Variants in GAS7 observed in about 807,000 individuals in gnomAD.
GAS7 encodes growth arrest-specific protein 7.
Under a neutral mutation model 71.1 loss-of-function variants are expected in GAS7, and 28 were observed. The observed-to-expected ratio is 0.39, with a 90% CI of 0.29 to 0.54. The LOEUF is 0.54. Among genes scored for constraint, GAS7 ranks in the 20% least tolerant of loss-of-function variants. The probability of loss-of-function intolerance (pLI) is 0.62; values close to 1 mark genes in which losing one functional copy is unlikely to be tolerated. For synonymous variants in GAS7, 258 were observed against 245.8 expected (o/e 1.05, Z -0.46); for missense variants, 436 against 627.8 (o/e 0.69, Z 3.27).
intron 1 of GAS7, among the ~76,000 whole-genome samples, chr17:10,042,460 C>G (rs984831531): frequency 6.6e-6 from 1 of 152,100 alleles, no homozygotes; most frequent in African/African-American, 2.4e-5. Context: ...CCATACGTGG[C>G]CCCCTGTCTG....
intron 2 of GAS7, among the ~76,000 whole-genome samples, chr17:9,988,453 A>G (rs1251336478): frequency 6.6e-6 from 1 of 152,212 alleles, no homozygotes; most frequent in Non-Finnish European, 1.5e-5. Flanking sequence ...CCCTTGGCCA[A>G]TACAAAAGCA....
chr17:10,186,038 C>A (rs2074449854), intron 1 of GAS7, among the ~76,000 whole-genome samples: 1 of 149,624 alleles, frequency 6.7e-6, no homozygotes, highest in Non-Finnish European at 1.5e-5. Context: ...TCACTGCAAG[C>A]TCCGCCTCCT....
Position 10,191,631 on chromosome 17 carries a change from C to T in GAS7, c.183+6577G>A, listed in dbSNP as rs184153115. Among the ~76,000 whole-genome samples, 29 of 149,208 alleles carry T rather than the reference C, an allele frequency of 1.9e-4. 2 individuals carry two copies. In the East Asian group the frequency reaches 5.8e-3, roughly 30 times the overall value. Reference sequence around the variant, plus strand: ...GTGGCTCACGCCTGTAATCCCAGCACTTTGGGAGGCTGAGGCGGGTGAATC... The same window carrying T: ...GTGGCTCACGCCTGTAATCCCAGCATTTTGGGAGGCTGAGGCGGGTGAATC... On this transcript the variant is annotated intron_variant, in intron 1 of 13. Coordinates refer to ENST00000432992, the MANE Select transcript of GAS7 (RefSeq NM_201433.2).
chr17:10,022,253 C>T (rs577584605), intron 1 of GAS7, among the ~76,000 whole-genome samples: 147 of 152,002 alleles, frequency 9.7e-4, no homozygotes, highest in Non-Finnish European at 1.7e-3. Flanking sequence ...GACCCTGTCT[C>T]AAAACAAAGA....
intron 1 of GAS7, among the ~76,000 whole-genome samples, chr17:10,109,420 TATC>T (rs1297641584): frequency 6.6e-6 from 1 of 152,090 alleles, no homozygotes; most frequent in East Asian, 1.9e-4. Context: ...AGATAAAAAA[TATC>T]ATTAAAAAGA....
intron 4 of GAS7, among the ~76,000 whole-genome samples, chr17:9,962,280 C>T (rs138669786): frequency 1.7e-3 from 252 of 152,150 alleles, no homozygotes; most frequent in African/African-American, 5.9e-3. Context: ...GACACACACA[C>T]TATCATAATT....
At position 10,064,752 on chromosome 17, in the gene GAS7, CTGTT is replaced by C. The variant is rs141732330; in HGVS notation, c.184-44859_184-44856del. ...ATAGAGAAACATCAGACTGCTGACA[CTGTT>C]TGTTTAAGCCACTTGATCAAACCAT... On this transcript the variant is annotated intron_variant, in intron 1 of 13. Transcript: ENST00000432992. 1.2e-4 allele frequency among the ~76,000 whole-genome samples: 6 copies of C among 50,416 alleles called. No individual in the cohort carries two copies. In the South Asian group the frequency reaches 1.7e-3, roughly 14 times the overall value. 33.1% of individuals were successfully genotyped at this position (50,416 alleles called of 152,430 possible).
rs1197840400 is a variant in GAS7 at position 9,912,333 on chromosome 17, G to A, written c.*4895C>T. 1 of 232,880 alleles carries A rather than the reference G, an allele frequency of 4.3e-6. No homozygotes were observed. Among genetic ancestry groups the A allele is most frequent in the African/African-American group, 2.2e-5 (1 of 45,320 alleles). 14.4% of individuals were successfully genotyped at this position (232,880 alleles called of 1,614,324 possible). On this transcript the variant is annotated 3_prime_UTR_variant, in exon 14 of 14. Coordinates refer to ENST00000432992, the MANE Select transcript of GAS7 (RefSeq NM_201433.2). Reference sequence around the variant, plus strand: ...ACATCATTGGAAATGAGAAAGGGAGGAGGTACATGCAGTTGCCGGTGGCCT... The same window carrying A: ...ACATCATTGGAAATGAGAAAGGGAGAAGGTACATGCAGTTGCCGGTGGCCT...
intron 5 of GAS7, among the ~76,000 whole-genome samples, chr17:9,952,281 C>T (rs1410208960): frequency 6.6e-6 from 1 of 152,192 alleles, no homozygotes; most frequent in African/African-American, 2.4e-5. Flanking sequence ...AGGGACAGCC[C>T]CTGGGGGAGA....
chr17:9,957,007 G>A (rs2069268559), intron 5 of GAS7, among the ~76,000 whole-genome samples: 1 of 152,202 alleles, frequency 6.6e-6, no homozygotes, highest in African/African-American at 2.4e-5. Context: ...AAGGCCAGGT[G>A]GTACACCGGG....
At chr17:10,035,456 C>T (rs930898579) in intron 1 of GAS7, among the ~76,000 whole-genome samples, 4 of 152,166 alleles carry the variant, frequency 2.6e-5, no homozygotes, top group Non-Finnish European at 5.9e-5. Flanking sequence ...TGTGGACGGT[C>T]CTAGGTCAAC....
chr17:10,048,258 C>T (rs922206208), intron 1 of GAS7, among the ~76,000 whole-genome samples: 4 of 152,196 alleles, frequency 2.6e-5, no homozygotes, highest in African/African-American at 7.2e-5. Context: ...GCGGTGATCG[C>T]GCCATTGCAA....
Position 9,988,907 on chromosome 17 carries a change from G to A in GAS7, c.305-7023C>T, listed in dbSNP as rs974022432. Reference sequence around the variant, plus strand: ...TCTGTTGCCCAGACCGGAGTACAGTGGCGCGATATCAGCTCACTGCAAGCT... The same window carrying A: ...TCTGTTGCCCAGACCGGAGTACAGTAGCGCGATATCAGCTCACTGCAAGCT... On this transcript the variant is annotated intron_variant, in intron 2 of 13. Coordinates refer to ENST00000432992, the MANE Select transcript of GAS7 (RefSeq NM_201433.2). Among the ~76,000 whole-genome samples the A allele has an allele frequency of 1.2e-4, 17 of 146,896 alleles. 1 individual carries two copies. Among genetic ancestry groups the A allele is most frequent in the Admixed American group, 1.0e-3 (15 of 14,656 alleles).
intron 2 of GAS7, among the ~76,000 whole-genome samples, chr17:9,987,378 A>G (rs2070686936): frequency 6.6e-6 from 1 of 152,274 alleles, no homozygotes; most frequent in Non-Finnish European, 1.5e-5. Flanking sequence ...AGAGCCATAT[A>G]CTGGCCATGG....
At chr17:10,016,620 A>AAAAAAAC (rs1567542577) in intron 2 of GAS7, among the ~76,000 whole-genome samples, 2 of 131,692 alleles carry the variant, frequency 1.5e-5, no homozygotes, top group African/African-American at 3.0e-5. Flanking sequence ...AAAAAAAAAA[A>AAAAAAAC]AAAACAAAAC....
At chr17:10,041,790 AC>A (rs2072874780) in intron 1 of GAS7, among the ~76,000 whole-genome samples, 1 of 152,238 alleles carries the variant, frequency 6.6e-6, no homozygotes, top group Non-Finnish European at 1.5e-5. Flanking sequence ...AGCCACACAC[AC>A]GAACGGCAGA....
Position 9,943,118 on chromosome 17 carries a change from C to T in GAS7, c.731+3G>A, listed in dbSNP as rs199586517. On this transcript the variant is annotated splice_donor_region_variant and intron_variant, in intron 7 of 13. Transcript: ENST00000432992. ...CCAGGGCTGGGAGGGGCCCAGGCTT[C>T]ACCTTTCCCGGATGAATTCTGACAT... The T allele has an allele frequency of 1.1e-4, 174 of 1,593,422 alleles. No individual in the cohort carries two copies. Among genetic ancestry groups the T allele is most frequent in the Non-Finnish European group, 1.2e-4 (144 of 1,160,988 alleles).
intron 11 of GAS7, among the ~76,000 whole-genome samples, chr17:9,923,843 G>A (rs1815122579): frequency 1.3e-5 from 2 of 152,306 alleles, no homozygotes; most frequent in South Asian, 4.1e-4. Flanking sequence ...TCACTGGCTG[G>A]CAAGCACTCT....
At chr17:10,097,814 C>A (rs929772132) in intron 1 of GAS7, among the ~76,000 whole-genome samples, 2 of 152,040 alleles carry the variant, frequency 1.3e-5, no homozygotes, top group Non-Finnish European at 2.9e-5. Flanking sequence ...GAGGCCGAGG[C>A]GGGCAGATCA....
Sources: allele counts gnomAD v4.1 joint callset (sites outside exome capture counted in the v4.1 genomes callset), GRCh38; gene constraint gnomAD v4.1.1; transcripts MANE v1.5; gene names NCBI Gene and HGNC (gene_info 2026-07-23, HGNC 2026-07-21).